ADAMTS13: variants seen among roughly 807,000 people sequenced by gnomAD.
The protein encoded by ADAMTS13 is A disintegrin and metalloproteinase with thrombospondin motifs 13.
In ADAMTS13, 110 loss-of-function variants were observed where a neutral mutation model predicts 155.1. That is an observed-to-expected ratio of 0.71 (90% confidence interval 0.61 to 0.83). ADAMTS13 has a LOEUF of 0.83. ADAMTS13 is among the 40% of genes least tolerant of loss of function. The pLI, the probability that ADAMTS13 is intolerant of heterozygous loss-of-function variation, is 0.00. For synonymous variants in ADAMTS13, 758 were observed against 756.4 expected, an observed-to-expected ratio of 1.00 and a Z score of -0.03; for missense variants, 1,707 against 1,891.7, an observed-to-expected ratio of 0.90 and a Z score of 1.81.
chr9:133,430,475 C>T (rs887802145), intron 8 of ADAMTS13, among the ~76,000 whole-genome samples: 20 of 152,234 alleles, frequency 1.3e-4, no homozygotes, highest in Admixed American at 8.5e-4. Context: ...ACTGAACCCA[C>T]AGCAGAAGTG....
In ADAMTS13 at chr9:133,429,958, G is replaced by A; in HGVS notation, c.844G>A (p.Val282Met). ...SLLSAGRARC[V>M]WDPPRPQPGS... is the part of the protein sequence containing the mutation. ...TCGCAGCGCAGGACGGGCGCGCTGC[G>A]TGTGGGACCCGCCGCGGCCTCAACC... Residue 282 changes from valine (V) to methionine (M), a missense_variant, in exon 8 of 29, where the codon GTG (valine) becomes ATG (methionine). Physicochemically the swap from Val to Met is conservative, Grantham distance 21. Transcript: ENST00000355699. 1 of 1,538,378 alleles carries A rather than the reference G, an allele frequency of 6.5e-7. No individual in the cohort carries two copies.
At chr9:133,417,950 C>G, upstream of ADAMTS13, 16 of 1,058,442 alleles carry the variant, frequency 1.5e-5, no homozygotes, top group South Asian at 2.4e-4. Flanking sequence ...CCGAAACACA[C>G]CCACCGCAGG....
At chr9:133,446,567 AT>A (rs1224353016) in intron 21 of ADAMTS13, among the ~76,000 whole-genome samples, 1 of 152,216 alleles carries the variant, frequency 6.6e-6, no homozygotes, top group Non-Finnish European at 1.5e-5. Flanking sequence ...AGGTTTATCC[AT>A]TTATTCATCA....
chr9:133,439,785 G>A (rs1407249947), intron 15 of ADAMTS13, among the ~76,000 whole-genome samples: 1 of 152,242 alleles, frequency 6.6e-6, no homozygotes, highest in Non-Finnish European at 1.5e-5. Context: ...CACACAGAAA[G>A]CCCACTGAGT....
intron 23 of ADAMTS13, among the ~76,000 whole-genome samples, chr9:133,454,090 A>G (rs1013354206): frequency 2.6e-5 from 4 of 152,036 alleles, no homozygotes; most frequent in Non-Finnish European, 1.5e-5. Context: ...CCTGTTACCC[A>G]GGGGCTCGCT....
At position 133,437,803 on chromosome 9, in the gene ADAMTS13, A is replaced by C; in HGVS notation, c.1490A>C (p.Lys497Thr). Residue 497 changes from lysine (K) to threonine (T), a missense_variant, in exon 13 of 29, where the codon AAG becomes ACG. Transcript: ENST00000355699. ...CRAIGESFIM[K>T]RGDSFLDGTR... is the part of the protein sequence containing the mutation. Reference sequence around the variant, plus strand: ...GCCATTGGCGAGAGCTTCATCATGAAGCGTGGAGACAGCTTCCTCGATGGG... The same window carrying C: ...GCCATTGGCGAGAGCTTCATCATGACGCGTGGAGACAGCTTCCTCGATGGG... 6.2e-7 allele frequency: 1 copy of C among 1,613,972 alleles called. No homozygotes were observed. Among genetic ancestry groups the C allele is most frequent in the East Asian group, 2.2e-5 (1 of 44,874 alleles).
At chr9:133,458,555 C>CAAAAAAA (rs10699153) in intron 28 of ADAMTS13, among the ~76,000 whole-genome samples, 3,574 of 56,162 alleles carry the variant, frequency 0.064, 869 homozygotes, top group Non-Finnish European at 0.071. Context: ...GACTCTGTCT[C>CAAAAAAA]AAAAAAAAAA....
intron 8 of ADAMTS13, 58 bp from the exon 9 acceptor site, chr9:133,432,530 C>A: frequency 6.9e-7 from 1 of 1,439,218 alleles, no homozygotes; most frequent in Non-Finnish European, 9.5e-7. Context: ...AGGTTGGACA[C>A]TGGCCTGGAA....
Position 133,439,350 on chromosome 9 carries a change from C to G in ADAMTS13, c.1706-16C>G. 2 of 1,597,278 alleles carry G rather than the reference C, an allele frequency of 1.3e-6. No individual in the cohort carries two copies. Among genetic ancestry groups the G allele is most frequent in the Non-Finnish European group, 1.7e-6 (2 of 1,164,926 alleles). On this transcript the variant is annotated splice_polypyrimidine_tract_variant and intron_variant, in intron 14 of 28. Coordinates refer to ENST00000355699, the MANE Select transcript of ADAMTS13 (RefSeq NM_139027.6). ...CTGTGAGGTCCACGCATCTCTCCTT[C>G]TTTTCTTCTTTCTAGAATATGTCAC...
At chr9:133,439,529 C>A in intron 15 of ADAMTS13, 83 bp downstream of exon 15, 2 of 1,262,902 alleles carry the variant, frequency 1.6e-6, no homozygotes, top group Non-Finnish European at 2.3e-6. Context: ...TCACTTCTGA[C>A]ATCACCCGCA....
chr9:133,426,371 A>C, intron 6 of ADAMTS13, 26 bp downstream of exon 6: 1 of 1,598,864 alleles, frequency 6.3e-7, no homozygotes, highest in Non-Finnish European at 8.5e-7. Context: ...AGCTGTCCCC[A>C]GGATCTGGCA....
At chr9:133,416,935 A>G (rs1459471847) in intron 1 of ADAMTS13, among the ~76,000 whole-genome samples, 1 of 152,104 alleles carries the variant, frequency 6.6e-6, no homozygotes, top group Non-Finnish European at 1.5e-5. Context: ...GAACCCCATC[A>G]CATGTCTGCT....
At chr9:133,446,110 A>T (rs927754965) in intron 21 of ADAMTS13, among the ~76,000 whole-genome samples, 3 of 152,200 alleles carry the variant, frequency 2.0e-5, no homozygotes, top group African/African-American at 7.2e-5. Context: ...TGATGACCCG[A>T]GCAGAGAAAC....
Position 133,444,019 on chromosome 9 carries a change from G to A in ADAMTS13, c.2420+458G>A, listed in dbSNP as rs141660169. ...CCTCCTCTGTGGGCTTCAGTTTTGC[G>A]ACCTGTCCGGTGGGAGGGGATTGGT... On this transcript the variant is annotated intron_variant, in intron 19 of 28. Coordinates refer to ENST00000355699, the MANE Select transcript of ADAMTS13 (RefSeq NM_139027.6). Among the ~76,000 whole-genome samples, 43 of 152,252 alleles carry A rather than the reference G, an allele frequency of 2.8e-4. No homozygotes were observed. The East Asian group carries it at 7.4e-3, about 26-fold the overall frequency.
intron 23 of ADAMTS13, among the ~76,000 whole-genome samples, chr9:133,453,589 G>C (rs1554794854): frequency 6.6e-6 from 1 of 152,230 alleles, no homozygotes; most frequent in Non-Finnish European, 1.5e-5. Context: ...TTGAACCCTG[G>C]AGGTTGAGGC....
chr9:133,442,393 C>T lies in ADAMTS13; in HGVS notation c.1969-6C>T. Reference sequence around the variant, plus strand: ...CTGGACAAGGCCTGAAGCTCTTTGTCTGCAGGTTTACAGGCGGTATGGCGA... The same window carrying T: ...CTGGACAAGGCCTGAAGCTCTTTGTTTGCAGGTTTACAGGCGGTATGGCGA... On this transcript the variant is annotated splice_polypyrimidine_tract_variant and splice_region_variant and intron_variant, in intron 16 of 28. Transcript: ENST00000355699. The T allele has an allele frequency of 6.2e-7, 1 of 1,613,980 alleles. No individual in the cohort carries two copies. The highest frequency in any genetic ancestry group is 8.5e-7 in the Non-Finnish European group (1 of 1,180,042).
At chr9:133,443,346 A>T in intron 18 of ADAMTS13, 30 bp from the exon 19 acceptor site, 2 of 1,576,842 alleles carry the variant, frequency 1.3e-6, no homozygotes. Flanking sequence ...GGACCTGGCC[A>T]GGGTCCCGAC....
At chr9:133,455,123 G>A (rs1554795361) in intron 24 of ADAMTS13, among the ~76,000 whole-genome samples, 162 bp from the exon 25 acceptor site, 1 of 152,118 alleles carries the variant, frequency 6.6e-6, no homozygotes. Flanking sequence ...CATGCAAGGT[G>A]CCCTCTCTGA....
intron 6 of ADAMTS13, among the ~76,000 whole-genome samples, chr9:133,428,329 T>A (rs1840422282): frequency 1.3e-5 from 2 of 152,206 alleles, no homozygotes; most frequent in African/African-American, 4.8e-5. Context: ...CACAGACTCC[T>A]AACACCATGA....
Sources: allele counts gnomAD v4.1 joint callset (sites outside exome capture counted in the v4.1 genomes callset), GRCh38; gene constraint gnomAD v4.1.1; transcripts MANE v1.5; gene names NCBI Gene and HGNC (gene_info 2026-07-23, HGNC 2026-07-21).